DMD: variants seen among roughly 807,000 people sequenced by gnomAD.
DMD encodes the protein mutant dystrophin.
Under a neutral mutation model 330.1 loss-of-function variants are expected in DMD, and 63 were observed. The observed-to-expected ratio is 0.19, with a 90% CI of 0.16 to 0.24. The LOEUF is 0.24. DMD is among the 10% of genes least tolerant of loss of function. The pLI is 1.00. For synonymous variants in DMD, 1,223 were observed against 959.8 expected (o/e 1.27, Z -5.07); for missense variants, 3,344 against 2,684.1 (o/e 1.25, Z -5.43).
At chrX:31,124,552 G>GA (rs768400337) in intron 78 of DMD, among the ~76,000 whole-genome samples, 15 of 111,963 alleles carry the variant, frequency 1.3e-4, no homozygotes, top group Admixed American at 9.5e-4. Context: ...GAGAGGTACT[G>GA]AAAAGCAGCC....
chrX:32,362,929 G>A lies in DMD; in HGVS notation c.5184C>T (p.Arg1728=), dbSNP rs1424832703. ...GGTCACGTGTAGAGTCCACCTTTGG[G>A]CGTATGTCATTCAGTTCTGCCTTTA... ...KRLKAELNDI[R]PKVDSTRDQA... is the part of the protein sequence containing the mutation. The change falls in exon 37 of 79, where the codon CGC becomes CGT. Residue 1728 remains arginine, a synonymous_variant. Coordinates refer to ENST00000357033, the MANE Select transcript of DMD (RefSeq NM_004006.3). 8.3e-7 allele frequency: 1 copy of A among 1,211,009 alleles called. No homozygotes were observed. The highest frequency in any genetic ancestry group is 2.2e-5 in the Admixed American group (1 of 45,936).
intron 16 of DMD, among the ~76,000 whole-genome samples, chrX:32,547,249 A>G (rs2049062033): frequency 9.0e-6 from 1 of 111,454 alleles, no homozygotes; most frequent in South Asian, 3.7e-4. Flanking sequence ...GCTACTAAAA[A>G]TTTGACTCTT....
At chrX:31,492,880 TGGGGGGCTAGGGGA>T (rs2069442211) in intron 57 of DMD, among the ~76,000 whole-genome samples, 1 of 43,544 alleles carries the variant, frequency 2.3e-5, no homozygotes, top group Non-Finnish European at 4.2e-5. Context: ...TGTCAGGGGG[TGGGGGGCTAGGGGA>T]GGGATAGCAT....
rs749052821 is a variant in DMD, at chrX:31,153,440, G to A, written c.10554-5922C>T. On this transcript the variant is annotated intron_variant, in intron 74 of 78. Coordinates refer to ENST00000357033, the MANE Select transcript of DMD (RefSeq NM_004006.3). ...AATCCCTGTTACTACAGCACGAGCT[G>A]AAAGCCCACTAATTTAGCCCCACTT... Among the ~76,000 whole-genome samples the A allele has an allele frequency of 3.6e-5, 4 of 109,756 alleles. No individual in the cohort carries two copies. In the South Asian group the frequency reaches 1.6e-3, roughly 43 times the overall value.
chrX:31,865,454 T>A (rs763383341), intron 48 of DMD, among the ~76,000 whole-genome samples: 184 of 112,245 alleles, frequency 1.6e-3, no homozygotes, highest in Non-Finnish European at 3.0e-3. Context: ...ACACCACTTT[T>A]AAAAAATTTT....
chrX:33,285,601 A>G (rs2053419964), intron 1 of DMD, among the ~76,000 whole-genome samples: 1 of 111,886 alleles, frequency 8.9e-6, no homozygotes, highest in East Asian at 2.8e-4. Flanking sequence ...TCTGGCGACT[A>G]TCACCCTCCA....
intron 34 of DMD, among the ~76,000 whole-genome samples, chrX:32,377,543 T>C (rs147367391): frequency 0.021 from 2,308 of 111,879 alleles, 22 homozygotes; most frequent in Non-Finnish European, 0.031. Context: ...TACTATGACA[T>C]ACACATGAAT....
chrX:32,704,830 T>TGTTTTG (rs2064462023), intron 7 of DMD, among the ~76,000 whole-genome samples: 1 of 112,478 alleles, frequency 8.9e-6, no homozygotes, highest in Non-Finnish European at 1.9e-5. Flanking sequence ...AAGGCCTATA[T>TGTTTTG]GTTGGCACAA....
chrX:32,085,875 C>G (rs2096435516), intron 44 of DMD, among the ~76,000 whole-genome samples: 1 of 110,251 alleles, frequency 9.1e-6, no homozygotes, highest in South Asian at 3.8e-4. Flanking sequence ...GGGTATACAC[C>G]CATGTGAAAT....
chrX:31,822,848 C>A (rs1217035528), intron 49 of DMD, among the ~76,000 whole-genome samples: 2 of 109,720 alleles, frequency 1.8e-5, no homozygotes, highest in Non-Finnish European at 3.8e-5. Context: ...TTCATAGTAC[C>A]CCCTGATTTT....
chrX:31,807,733 T>C (rs980915778), intron 50 of DMD, among the ~76,000 whole-genome samples: 17 of 111,603 alleles, frequency 1.5e-4, no homozygotes, highest in African/African-American at 5.2e-4. Flanking sequence ...GAGAGAGTAT[T>C]GTTGTTTAAT....
chrX:32,504,540 T>A (rs1266467498), intron 18 of DMD, among the ~76,000 whole-genome samples: 1 of 110,219 alleles, frequency 9.1e-6, no homozygotes, highest in African/African-American at 3.3e-5. Flanking sequence ...GGCAGGAAAA[T>A]CCCTTGAACC....
intron 55 of DMD, among the ~76,000 whole-genome samples, chrX:31,578,304 T>G (rs927911871): frequency 5.4e-5 from 6 of 111,701 alleles, no homozygotes; most frequent in Non-Finnish European, 1.1e-4. Context: ...CTGAGAGAAG[T>G]TAAGAGACTT....
At chrX:32,185,806 A>G (rs2096943676) in intron 44 of DMD, among the ~76,000 whole-genome samples, 1 of 110,418 alleles carries the variant, frequency 9.1e-6, no homozygotes. Flanking sequence ...AATAATGTAT[A>G]GCACAGAGAC....
At chrX:31,444,760 C>G in intron 59 of DMD, 133 bp from the exon 60 acceptor site, 1 of 711,732 alleles carries the variant, frequency 1.4e-6, no homozygotes, top group Non-Finnish European at 2.1e-6. Flanking sequence ...ATGTTTGTGT[C>G]CCCCCTCAAA....
chrX:32,347,430 TAG>T (rs1327433039), intron 38 of DMD, among the ~76,000 whole-genome samples: 1 of 111,121 alleles, frequency 9.0e-6, no homozygotes, highest in African/African-American at 3.3e-5. Context: ...TGACCTGAAG[TAG>T]AGATTGCTGT....
chrX:33,002,366 G>A (rs747199685), intron 2 of DMD, among the ~76,000 whole-genome samples: 185 of 110,903 alleles, frequency 1.7e-3, no homozygotes, highest in Non-Finnish European at 2.8e-3. Flanking sequence ...GCTGAGCAGC[G>A]GCTCAAGTGC....
chrX:32,104,014 C>T (rs891267869), intron 44 of DMD, among the ~76,000 whole-genome samples: 6 of 110,960 alleles, frequency 5.4e-5, no homozygotes, highest in Non-Finnish European at 9.4e-5. Flanking sequence ...GAACCGGCCA[C>T]GGCAGCAAAC....
rs953725670 is a variant in DMD, at chrX:32,677,380, A to G, written c.960+20490T>C. ...AAACTAACAGTATATTCACATGTGC[A>G]TATTTCCACTGAACACACATTAATT... is the stretch of plus-strand genomic sequence containing the variant. On this transcript the variant is annotated intron_variant, in intron 9 of 78. Transcript: ENST00000357033. 4.5e-5 allele frequency among the ~76,000 whole-genome samples: 5 copies of G among 111,664 alleles called. No homozygotes were observed. The East Asian group carries it at 1.4e-3, about 31-fold the overall frequency.
Sources: allele counts gnomAD v4.1 joint callset (sites outside exome capture counted in the v4.1 genomes callset), GRCh38; gene constraint gnomAD v4.1.1; transcripts MANE v1.5; gene names NCBI Gene and HGNC (gene_info 2026-07-23, HGNC 2026-07-21).